GREB1L: variants seen among roughly 807,000 people sequenced by gnomAD.
GREB1L encodes the protein GREB1 like retinoic acid receptor coactivator.
Under a neutral mutation model 200.8 loss-of-function variants are expected in GREB1L, and 17 were observed. That is an observed-to-expected ratio of 0.08 (90% CI 0.06 to 0.13). The LOEUF is 0.13. Ranked by LOEUF, GREB1L falls within the 10% of genes least tolerant of loss-of-function variation. The pLI is 1.00. For missense variants in GREB1L, 1,657 were observed against 2,367.7 expected (o/e 0.70, Z 6.23); for synonymous variants, 789 against 893.0 (o/e 0.88, Z 2.08).
rs1305439673 is a variant in GREB1L at position 21,516,558 on chromosome 18, TATC to T, written c.5130-52_5130-50del. 12 of 1,495,510 alleles carry T rather than the reference TATC, an allele frequency of 8.0e-6. No individual in the cohort carries two copies. In the African/African-American group the frequency reaches 1.3e-4, roughly 16 times the overall value. The allele number at this position is 1,495,510 out of a possible 1,614,324, so 92.6% of individuals were successfully genotyped here. On this transcript the variant is annotated intron_variant, in intron 29 of 32. Coordinates refer to ENST00000424526, the MANE Select transcript of GREB1L (RefSeq NM_001142966.3). ...ACACATTTATTTCTCTGTGTATAGT[TATC>T]ATGGTTGAGATATGCCAGCGGAAGA... is the stretch of plus-strand genomic sequence containing the variant.
chr18:21,516,710 C>G lies in GREB1L; in HGVS notation c.5227C>G (p.Gln1743Glu). The G allele has an allele frequency of 6.4e-7, 1 of 1,551,422 alleles. No individual in the cohort carries two copies. Among genetic ancestry groups the G allele is most frequent in the Non-Finnish European group, 8.7e-7 (1 of 1,146,808 alleles). Residue 1743 changes from glutamine to glutamate, a missense_variant, in exon 30 of 33, where the codon CAG becomes GAG. By Grantham distance (29) the Gln-to-Glu change is conservative (BLOSUM62 2). This residue lies in a region of GREB1L where 190 missense variants were observed against 230.2 expected (regional missense o/e 0.83). Transcript: ENST00000424526. ...NNFSLMKKHVQVGGQRDFIIK... is the reference protein window; with the variant it reads ...NNFSLMKKHVEVGGQRDFIIK... ...CTTCAGTCTCATGAAGAAACATGTT[C>G]AGGTTGGAGGGCAAAGGGACTTTAT...
chr18:21,348,019 A>G (rs1229858361), intron 1 of GREB1L, among the ~76,000 whole-genome samples: 3 of 131,244 alleles, frequency 2.3e-5, no homozygotes, highest in Non-Finnish European at 3.1e-5. Flanking sequence ...ATCTTGGCTC[A>G]CTGCAAACTC....
intron 2 of GREB1L, 31 bp downstream of exon 2, chr18:21,366,167 A>G (rs2039673494): frequency 6.6e-6 from 1 of 152,056 alleles, no homozygotes; most frequent in Admixed American, 6.6e-5. Flanking sequence ...ACCCTCCCCA[A>G]TTTTTCAAGA....
At chr18:21,516,776 C>G (rs1232113841) in intron 30 of GREB1L, 22 bp downstream of exon 30, 3 of 1,542,650 alleles carry the variant, frequency 1.9e-6, no homozygotes, top group Non-Finnish European at 2.6e-6. Context: ...AAGCTTGATT[C>G]AAGTGCTGAA....
intron 7 of GREB1L, among the ~76,000 whole-genome samples, chr18:21,426,533 A>C (rs542639296): frequency 6.6e-6 from 1 of 151,944 alleles, no homozygotes; most frequent in Admixed American, 6.6e-5. Context: ...TTATCTCTGG[A>C]CTCTCAGTGT....
intron 1 of GREB1L, among the ~76,000 whole-genome samples, chr18:21,262,048 T>C (rs777773767): frequency 2.0e-5 from 3 of 152,146 alleles, no homozygotes; most frequent in Non-Finnish European, 4.4e-5. Context: ...GAATTTAAAA[T>C]TGAGTTTTAT....
At chr18:21,513,591 T>C (rs1405749571) in intron 27 of GREB1L, among the ~76,000 whole-genome samples, 2 of 152,220 alleles carry the variant, frequency 1.3e-5, no homozygotes, top group Admixed American at 6.5e-5. Flanking sequence ...CCTTACACCA[T>C]ACCGACTCAA....
intron 1 of GREB1L, among the ~76,000 whole-genome samples, chr18:21,273,747 T>C (rs530556444): frequency 6.6e-6 from 1 of 152,264 alleles, no homozygotes; most frequent in African/African-American, 2.4e-5. Flanking sequence ...TCAGAATGTT[T>C]GAAGGTGCTA....
At chr18:21,276,148 C>G (rs1334446950) in intron 1 of GREB1L, among the ~76,000 whole-genome samples, 2 of 152,178 alleles carry the variant, frequency 1.3e-5, no homozygotes, top group African/African-American at 4.8e-5. Context: ...GACCTGTCCT[C>G]TCTTATGCAT....
At chr18:21,482,642 A>ATTTTTT (rs35313539) in intron 17 of GREB1L, among the ~76,000 whole-genome samples, 5 of 118,092 alleles carry the variant, frequency 4.2e-5, no homozygotes, top group East Asian at 2.5e-4. Context: ...TAGATTACAG[A>ATTTTTT]TTTTTTTTTT....
At chr18:21,317,657 C>T (rs190796518) in intron 1 of GREB1L, 1 of 152,190 alleles carries the variant, frequency 6.6e-6, no homozygotes, top group Admixed American at 6.5e-5. Context: ...TATCAAGTAT[C>T]TTTTATGTGA....
intron 1 of GREB1L, among the ~76,000 whole-genome samples, chr18:21,361,855 T>G (rs1330369789): frequency 6.6e-6 from 1 of 152,224 alleles, no homozygotes; most frequent in Non-Finnish European, 1.5e-5. Context: ...TTGAGCCTTC[T>G]GCAGTGGAGC....
intron 14 of GREB1L, among the ~76,000 whole-genome samples, chr18:21,453,275 G>A (rs2034610556): frequency 1.3e-5 from 2 of 152,180 alleles, no homozygotes; most frequent in African/African-American, 4.8e-5. Context: ...AAAGTTGCAG[G>A]TTTGGGCTTT....
chr18:21,520,880 A>G, intron 32 of GREB1L, 57 bp downstream of exon 32: 1 of 1,428,484 alleles, frequency 7.0e-7, no homozygotes, highest in Non-Finnish European at 9.4e-7. Context: ...TGAGCAAAAT[A>G]CAGAAGATAA....
intron 7 of GREB1L, among the ~76,000 whole-genome samples, chr18:21,410,364 TTA>T (rs1275825065): frequency 6.6e-6 from 1 of 151,892 alleles, no homozygotes; most frequent in Non-Finnish European, 1.5e-5. Context: ...TATTATAATA[TTA>T]TATATAAAGG....
intron 7 of GREB1L, among the ~76,000 whole-genome samples, chr18:21,426,887 A>G: frequency 6.8e-6 from 1 of 146,496 alleles, no homozygotes; most frequent in African/African-American, 2.5e-5. Context: ...TGAACCCGGG[A>G]GGCAGAGTTT....
chr18:21,406,313 C>G (rs2030228432), intron 7 of GREB1L, among the ~76,000 whole-genome samples: 1 of 152,154 alleles, frequency 6.6e-6, no homozygotes, highest in African/African-American at 2.4e-5. Context: ...GGGGAAGGCA[C>G]TGACTGACTC....
intron 23 of GREB1L, among the ~76,000 whole-genome samples, chr18:21,505,162 G>A (rs547653897): frequency 6.6e-6 from 1 of 152,290 alleles, no homozygotes; most frequent in South Asian, 2.1e-4. Flanking sequence ...TGGAGACTAG[G>A]TTATCTTACA....
At chr18:21,292,614 C>A (rs1384306553) in intron 1 of GREB1L, among the ~76,000 whole-genome samples, 3 of 152,170 alleles carry the variant, frequency 2.0e-5, no homozygotes, top group African/African-American at 7.2e-5. Flanking sequence ...TCATGTGTCG[C>A]CCTTTGTGTC....
Sources: gnomAD v4.1 joint callset for allele counts (sites outside exome capture counted in the v4.1 genomes callset) on GRCh38, gnomAD v4.1.1 for gene constraint, gnomAD v4.1.1 regional missense constraint, MANE v1.5 for transcripts, NCBI Gene and HGNC (gene_info 2026-07-23, HGNC 2026-07-21) for gene names.